Variants in CFAP418 observed in about 807,000 individuals in gnomAD.
CFAP418 encodes cilia and flagella associated protein 418, also known as cilia- and flagella-associated protein 418.
A neutral mutation model predicts 24.7 loss-of-function variants in CFAP418; 27 were observed. That is an observed-to-expected ratio of 1.09 (90% CI 0.81 to 1.51). The LOEUF (loss-of-function observed/expected upper bound fraction) is 1.51, where lower values mean the gene tolerates loss of function less well. Among genes scored for constraint, CFAP418 ranks in the 40% most tolerant of loss-of-function variants. CFAP418 has a pLI of 0.00. For missense variants in CFAP418, 257 were observed against 255.2 expected, an observed-to-expected ratio of 1.01 and a Z score of -0.05; for synonymous variants, 74 against 87.3, an observed-to-expected ratio of 0.85 and a Z score of 0.85.
intron 4 of CFAP418, among the ~76,000 whole-genome samples, chr8:95,258,886 C>T (rs967424485): frequency 2.0e-5 from 3 of 152,150 alleles, no homozygotes; most frequent in Non-Finnish European, 4.4e-5. Context: ...ATGTAGTAGG[C>T]TAGTATACCA....
chr8:95,260,429 C>A lies in CFAP418; in HGVS notation c.308+39G>T. On this transcript the variant is annotated intron_variant, in intron 3 of 5. Coordinates refer to ENST00000286688, the MANE Select transcript of CFAP418 (RefSeq NM_177965.4). ...CTAGACTATGCTCATAGTGTTTGCTCAATAGTGTGTATAATTCACCAAAGC... is the reference window on the plus strand; with the variant it reads ...CTAGACTATGCTCATAGTGTTTGCTAAATAGTGTGTATAATTCACCAAAGC... The A allele has an allele frequency of 2.1e-6, 3 of 1,420,110 alleles. No homozygotes were observed. The South Asian group carries it at 3.8e-5, about 18-fold the overall frequency. The allele number at this position is 1,420,110 out of a possible 1,614,324, so 88.0% of individuals were successfully genotyped here. A position where few individuals can be genotyped will look rare whatever the true frequency, so the allele number is the denominator to read the frequency against.
chr8:95,258,316 A>T (rs978209621), intron 4 of CFAP418, among the ~76,000 whole-genome samples: 2 of 143,514 alleles, frequency 1.4e-5, no homozygotes, highest in African/African-American at 5.1e-5. Flanking sequence ...TGGGAGGCGG[A>T]GCTTGCAGAG....
chr8:95,260,601 C>T lies in CFAP418; in HGVS notation c.244-69G>A, dbSNP rs1811871637. ...AAACTGTAACATGAAAACTAATATTCCTTATAACAAGAATATTTTCTAAAT... is the reference window on the plus strand; with the variant it reads ...AAACTGTAACATGAAAACTAATATTTCTTATAACAAGAATATTTTCTAAAT... On this transcript the variant is annotated intron_variant, in intron 2 of 5. Coordinates refer to ENST00000286688, the MANE Select transcript of CFAP418 (RefSeq NM_177965.4). 4.9e-6 allele frequency: 4 copies of T among 822,626 alleles called. No homozygotes were observed. In the East Asian group the frequency reaches 1.2e-4, roughly 24 times the overall value. The allele number at this position is 822,626 out of a possible 1,614,324, so 51.0% of individuals were successfully genotyped here.
At chr8:95,261,362 C>T (rs34079000) in intron 2 of CFAP418, among the ~76,000 whole-genome samples, 9,601 of 152,136 alleles carry the variant, frequency 0.063, 395 homozygotes, top group Non-Finnish European at 0.088. Flanking sequence ...ATAATATGCA[C>T]GAATCTTTCT....
At chr8:95,266,562 A>G (rs1160833904) in intron 1 of CFAP418, among the ~76,000 whole-genome samples, 1 of 152,202 alleles carries the variant, frequency 6.6e-6, no homozygotes, top group Non-Finnish European at 1.5e-5. Context: ...TCTCCTGTCA[A>G]TAAATTCAAA....
intron 4 of CFAP418, among the ~76,000 whole-genome samples, chr8:95,253,974 T>C (rs949152235): frequency 2.0e-5 from 3 of 152,256 alleles, no homozygotes; most frequent in African/African-American, 7.2e-5. Flanking sequence ...TAATGCTAAA[T>C]ACAGCTTTTT....
intron 1 of CFAP418, 157 bp downstream of exon 1, chr8:95,268,878 G>GCTGC (rs1404343415): frequency 1.3e-6 from 1 of 757,778 alleles, no homozygotes; most frequent in East Asian, 2.6e-5. Flanking sequence ...CGACGAATGC[G>GCTGC]CTGCCGCGGA....
At chr8:95,258,996 CAT>C (rs1358892914) in intron 4 of CFAP418, among the ~76,000 whole-genome samples, 1 of 152,148 alleles carries the variant, frequency 6.6e-6, no homozygotes, top group African/African-American at 2.4e-5. Flanking sequence ...TGACTAATGA[CAT>C]ATTTCTCAGA....
Position 95,260,542 on chromosome 8 carries a change from A to G in CFAP418, c.244-10T>C, listed in dbSNP as rs754403114. The G allele has an allele frequency of 2.6e-6, 4 of 1,562,832 alleles. No individual in the cohort carries two copies. Among genetic ancestry groups the G allele is most frequent in the Admixed American group, 3.9e-5 (2 of 50,788 alleles). ...ATTTAGATTTTAATTTCTGTTAAAA[A>G]AGCAAAACAATAAAAGGCCATGAGT... On this transcript the variant is annotated splice_polypyrimidine_tract_variant and intron_variant, in intron 2 of 5. Transcript: ENST00000286688.
rs1811639331 is a variant in CFAP418, at chr8:95,247,408, A to T, written c.*209T>A. On this transcript the variant is annotated 3_prime_UTR_variant, in exon 6 of 6. Coordinates refer to ENST00000286688, the MANE Select transcript of CFAP418 (RefSeq NM_177965.4). Reference sequence around the variant, plus strand: ...GTAGATGCCTGTTACTAAGTGAAACATCCATGTATCAGGAATAATTCCAAA... The same window carrying T: ...GTAGATGCCTGTTACTAAGTGAAACTTCCATGTATCAGGAATAATTCCAAA... 1.8e-6 allele frequency: 1 copy of T among 557,636 alleles called. No homozygotes were observed. The highest frequency in any genetic ancestry group is 3.1e-6 in the Non-Finnish European group (1 of 318,100). The allele number at this position is 557,636 out of a possible 1,614,324, so 34.5% of individuals were successfully genotyped here. A position where few individuals can be genotyped will look rare whatever the true frequency, so the allele number is the denominator to read the frequency against.
At chr8:95,251,628 G>T (rs1260659335) in intron 5 of CFAP418, among the ~76,000 whole-genome samples, 1 of 152,130 alleles carries the variant, frequency 6.6e-6, no homozygotes, top group South Asian at 2.1e-4. Context: ...AGAGATTGTA[G>T]CCAGAAAAAC....
At chr8:95,263,503 C>T (rs1156808260) in intron 2 of CFAP418, among the ~76,000 whole-genome samples, 184 bp downstream of exon 2, 2 of 152,172 alleles carry the variant, frequency 1.3e-5, no homozygotes, top group African/African-American at 4.8e-5. Context: ...CAGGGAAACA[C>T]ATACTGAGAG....
At chr8:95,260,332 G>T in intron 3 of CFAP418, 136 bp downstream of exon 3, 1 of 610,820 alleles carries the variant, frequency 1.6e-6, no homozygotes, top group African/African-American at 2.0e-5. Context: ...TATTGCTATT[G>T]GTCTTTCTCC....
intron 2 of CFAP418, among the ~76,000 whole-genome samples, chr8:95,260,965 C>G (rs113922083): frequency 4.6e-5 from 7 of 152,304 alleles, no homozygotes; most frequent in African/African-American, 1.7e-4. Flanking sequence ...ATTAACCAAG[C>G]TCCTGTGTAA....
At position 95,245,047 on chromosome 8, in the gene CFAP418, C is replaced by G. The variant is rs1216696377; in HGVS notation, c.*2570G>C. ...AATACAGTTCAAATAAAGAAGTTAC[C>G]TGGCTTAAAAATAGCTACTTGCTAA... On this transcript the variant is annotated 3_prime_UTR_variant, in exon 6 of 6. Transcript: ENST00000286688. The G allele has an allele frequency of 6.6e-6, 1 of 151,978 alleles. No individual in the cohort carries two copies. Among genetic ancestry groups the G allele is most frequent in the East Asian group, 1.9e-4 (1 of 5,188 alleles). 9.4% of individuals were successfully genotyped at this position (151,978 alleles called of 1,614,324 possible). A position where few individuals can be genotyped will look rare whatever the true frequency, so the allele number is the denominator to read the frequency against.
chr8:95,265,317 A>G, intron 1 of CFAP418, among the ~76,000 whole-genome samples: 2 of 152,296 alleles, frequency 1.3e-5, no homozygotes, highest in Middle Eastern at 6.8e-3. Flanking sequence ...TAAATTATTT[A>G]ATCTCTCTGA....
intron 5 of CFAP418, 60 bp downstream of exon 5, chr8:95,252,128 A>C: frequency 7.6e-7 from 1 of 1,309,208 alleles, no homozygotes; most frequent in Non-Finnish European, 1.1e-6. Flanking sequence ...AGAATATATC[A>C]AAATAGGAAA....
chr8:95,252,047 A>G (rs983815018), intron 5 of CFAP418, 141 bp downstream of exon 5: 4 of 605,986 alleles, frequency 6.6e-6, no homozygotes, highest in South Asian at 2.3e-5. Flanking sequence ...CGTTGACTGA[A>G]GCATCATAAC....
At chr8:95,256,097 G>T (rs1168792842) in intron 4 of CFAP418, among the ~76,000 whole-genome samples, 1 of 152,164 alleles carries the variant, frequency 6.6e-6, no homozygotes, top group African/African-American at 2.4e-5. Flanking sequence ...CTGTTCTTTG[G>T]TTTACTGAAA....
Sources: allele counts gnomAD v4.1 joint callset (sites outside exome capture counted in the v4.1 genomes callset), GRCh38; gene constraint gnomAD v4.1.1; transcripts MANE v1.5; gene names NCBI Gene and HGNC (gene_info 2026-07-23, HGNC 2026-07-21).